The following NAT1 variants were observed in gnomAD, a reference collection of about 807,000 sequenced individuals.
NAT1 encodes the protein arylamine N-acetyltransferase 1.
For synonymous variants in NAT1, 144 were observed against 122.6 expected, an observed-to-expected ratio of 1.17 and a Z score of -1.16; for missense variants, 400 against 339.2, an observed-to-expected ratio of 1.18 and a Z score of -1.41.
At chr8:18,183,438 G>A (rs1489577283) in intron 2 of NAT1, among the ~76,000 whole-genome samples, 1 of 152,164 alleles carries the variant, frequency 6.6e-6, no homozygotes, top group African/African-American at 2.4e-5. Flanking sequence ...CCAAAGTCCA[G>A]AGTCCCATCT....
chr8:18,221,242 C>T (rs1244629512), intron 2 of NAT1, among the ~76,000 whole-genome samples: 1 of 151,610 alleles, frequency 6.6e-6, no homozygotes, highest in Non-Finnish European at 1.5e-5. Flanking sequence ...GAACAATCCT[C>T]CTCACGCATA....
At chr8:18,215,542 C>T (rs930873938) in intron 1 of NAT1, among the ~76,000 whole-genome samples, 2 of 152,024 alleles carry the variant, frequency 1.3e-5, no homozygotes, top group African/African-American at 4.8e-5. Context: ...TTTCATAAAA[C>T]TATTATTTTA....
intron 2 of NAT1, among the ~76,000 whole-genome samples, chr8:18,202,518 T>G (rs1239472541): frequency 2.0e-5 from 3 of 152,246 alleles, no homozygotes; most frequent in Middle Eastern, 3.4e-3. Flanking sequence ...AAAGATGGTG[T>G]GTCTGGAGTT....
At chr8:18,213,418 G>A (rs11203943) in intron 1 of NAT1, among the ~76,000 whole-genome samples, 15,270 of 151,814 alleles carry the variant, frequency 0.1, 1,080 homozygotes, top group East Asian at 0.35. Flanking sequence ...TTTCATTGGC[G>A]GGCCATCAGA....
chr8:18,178,542 C>A (rs1414792467), intron 2 of NAT1, among the ~76,000 whole-genome samples: 1 of 152,098 alleles, frequency 6.6e-6, no homozygotes, highest in Non-Finnish European at 1.5e-5. Context: ...GTGTAGACAG[C>A]AGAGAATTAC....
chr8:18,218,915 T>TAG (rs1431080420), intron 1 of NAT1, among the ~76,000 whole-genome samples: 3 of 152,184 alleles, frequency 2.0e-5, no homozygotes, highest in African/African-American at 7.2e-5. Flanking sequence ...CTTCTGTATA[T>TAG]AGATGGTCCT....
At chr8:18,211,151 G>A (rs1804061955) in intron 1 of NAT1, 1 of 144,114 alleles carries the variant, frequency 6.9e-6, no homozygotes, top group Non-Finnish European at 1.6e-5. Flanking sequence ...AGGGTCTCCA[G>A]GAGGTATGAA....
chr8:18,208,146 C>T (rs180952062), upstream of NAT1, among the ~76,000 whole-genome samples: 5 of 151,852 alleles, frequency 3.3e-5, no homozygotes, highest in African/African-American at 4.8e-5. Context: ...GGGGAGGGAG[C>T]GCATCAGGAA....
intron 2 of NAT1, among the ~76,000 whole-genome samples, chr8:18,185,559 A>G (rs912766036): frequency 2.0e-5 from 3 of 152,048 alleles, no homozygotes; most frequent in Admixed American, 2.0e-4. Context: ...TCTTTTGGTC[A>G]GTCTCATCAG....
chr8:18,201,602 G>A (rs1056284870), intron 2 of NAT1, among the ~76,000 whole-genome samples: 4 of 152,198 alleles, frequency 2.6e-5, no homozygotes, highest in Admixed American at 2.6e-4. Flanking sequence ...CTATAGAAAT[G>A]CTTGCCAATG....
chr8:18,196,298 C>A (rs913201441), intron 2 of NAT1, among the ~76,000 whole-genome samples: 1 of 151,864 alleles, frequency 6.6e-6, no homozygotes, highest in Non-Finnish European at 1.5e-5. Flanking sequence ...AATTAAAGTT[C>A]TGAATAAATG....
intron 1 of NAT1, chr8:18,212,431 C>G (rs1213856293): frequency 6.6e-6 from 1 of 152,212 alleles, no homozygotes; most frequent in South Asian, 2.1e-4. Context: ...GTCAGGTTCC[C>G]CCAAACCAGA....
At chr8:18,207,941 AG>A (rs1803796048), upstream of NAT1, among the ~76,000 whole-genome samples, 1 of 152,256 alleles carries the variant, frequency 6.6e-6, no homozygotes, top group South Asian at 2.1e-4. Flanking sequence ...AGCCATAAAA[AG>A]GAATCAGATC....
chr8:18,183,381 C>T (rs763718756), intron 2 of NAT1, among the ~76,000 whole-genome samples: 9 of 152,176 alleles, frequency 5.9e-5, no homozygotes, highest in Non-Finnish European at 1.3e-4. Flanking sequence ...AAACTCACGT[C>T]CTCGCATATA....
intron 2 of NAT1, among the ~76,000 whole-genome samples, chr8:18,182,685 C>G (rs190128010): frequency 6.6e-6 from 1 of 152,212 alleles, no homozygotes; most frequent in East Asian, 1.9e-4. Context: ...GTAATTCTCC[C>G]CACATTGTTC....
chr8:18,186,269 T>C (rs1365194818), intron 2 of NAT1, among the ~76,000 whole-genome samples: 2 of 152,216 alleles, frequency 1.3e-5, no homozygotes, highest in East Asian at 3.8e-4. Context: ...TTCATTTATC[T>C]TGATGTTTTA....
intron 2 of NAT1, among the ~76,000 whole-genome samples, chr8:18,183,837 A>C (rs1325809364): frequency 6.6e-6 from 1 of 152,158 alleles, no homozygotes; most frequent in Non-Finnish European, 1.5e-5. Flanking sequence ...CTTACATCTT[A>C]AGGCTTGGAA....
chr8:18,213,496 G>C (rs1311781780), intron 1 of NAT1, among the ~76,000 whole-genome samples: 1 of 152,024 alleles, frequency 6.6e-6, no homozygotes, highest in Non-Finnish European at 1.5e-5. Flanking sequence ...GAAAACTAGA[G>C]ACTTCACCAA....
chr8:18,185,541 T>G (rs546022893), intron 2 of NAT1, among the ~76,000 whole-genome samples: 4 of 152,312 alleles, frequency 2.6e-5, no homozygotes, highest in Non-Finnish European at 4.4e-5. Context: ...GTTCCCTCTC[T>G]GTATCTGTCT....
Sources: gnomAD v4.1 joint callset for allele counts (sites outside exome capture counted in the v4.1 genomes callset) on GRCh38, gnomAD v4.1.1 for gene constraint, MANE v1.5 for transcripts, NCBI Gene and HGNC (gene_info 2026-07-23, HGNC 2026-07-21) for gene names.